Variants in PLXND1 observed in about 807,000 individuals in gnomAD.
PLXND1 encodes the protein plexin-D1.
PLXND1 carries 54 observed loss-of-function variants against 197.7 expected under a neutral mutation model. The ratio of observed to expected loss-of-function variants is 0.27; its 90% CI spans 0.22 to 0.34. The LOEUF is 0.34. Ranked by LOEUF, PLXND1 falls within the 10% of genes least tolerant of loss-of-function variation. The pLI is 1.00. For missense variants in PLXND1, 2,127 were observed against 2,699.2 expected (o/e 0.79, Z 4.70); for synonymous variants, 1,180 against 1,161.2 (o/e 1.02, Z -0.33).
intron 11 of PLXND1, among the ~76,000 whole-genome samples, chr3:129,575,136 G>A (rs1048594033): frequency 2.6e-5 from 4 of 152,166 alleles, no homozygotes; most frequent in African/African-American, 4.8e-5. Context: ...CAGCTGCCAC[G>A]CGAGGGGAGC....
Position 129,605,478 on chromosome 3 carries a change from G to A in PLXND1, c.1162C>T (p.Leu388Phe), listed in dbSNP as rs1326686000. Residue 388 changes from leucine to phenylalanine, a missense_variant, in exon 1 of 36, where the codon CTC becomes TTC. Physicochemically the swap from Leu to Phe is conservative, Grantham distance 22. Coordinates refer to ENST00000324093, the MANE Select transcript of PLXND1 (RefSeq NM_015103.3). ...SPAARAAPAA[L>F]CAFRFADVRA... ...ACGTCGGCGAAGCGGAAGGCGCAGA[G>A]TGCGGCCGGAGCAGCGCGGGCCGCG... The A allele has an allele frequency of 2.7e-6, 4 of 1,499,634 alleles. No homozygotes were observed. In the African/African-American group the frequency reaches 5.8e-5, roughly 22 times the overall value. The allele number at this position is 1,499,634 out of a possible 1,614,324, so 92.9% of individuals were successfully genotyped here.
chr3:129,604,144 C>T (rs2085749939), intron 1 of PLXND1, among the ~76,000 whole-genome samples: 1 of 152,174 alleles, frequency 6.6e-6, no homozygotes, highest in Non-Finnish European at 1.5e-5. Context: ...TGCTACTGCC[C>T]AACCCAGCCT....
chr3:129,578,973 C>T (rs1006254615), intron 8 of PLXND1, among the ~76,000 whole-genome samples: 52 of 152,216 alleles, frequency 3.4e-4, no homozygotes, highest in Non-Finnish European at 1.3e-4. Context: ...CAGATACCAC[C>T]GGTCTCCAGG....
chr3:129,604,083 G>A (rs944929818), intron 1 of PLXND1, among the ~76,000 whole-genome samples: 3 of 152,182 alleles, frequency 2.0e-5, no homozygotes, highest in African/African-American at 4.8e-5. Context: ...GTCCCCTCCC[G>A]CACCCTTGTC....
intron 13 of PLXND1, 115 bp downstream of exon 13, chr3:129,573,479 C>T: frequency 9.1e-7 from 1 of 1,095,380 alleles, no homozygotes; most frequent in Non-Finnish European, 1.3e-6. Flanking sequence ...CACGAAGCAA[C>T]AGTCTTCCAG....
Position 129,589,541 on chromosome 3 carries a change from G to C in PLXND1, c.1312-14C>G. The C allele has an allele frequency of 6.4e-7, 1 of 1,554,362 alleles. No homozygotes were observed. The highest frequency in any genetic ancestry group is 1.2e-5 in the South Asian group (1 of 84,692). ...CTCTGGCTGGAGCTGGAAGAGGAAC[G>C]GCACGTCAGATCCCAGCTCCAGAAC... On this transcript the variant is annotated splice_polypyrimidine_tract_variant and intron_variant, in intron 1 of 35. Coordinates refer to ENST00000324093, the MANE Select transcript of PLXND1 (RefSeq NM_015103.3).
At chr3:129,591,484 G>C (rs1314004874) in intron 1 of PLXND1, 1 of 152,240 alleles carries the variant, frequency 6.6e-6, no homozygotes, top group Non-Finnish European at 1.5e-5. Context: ...GCATCAATAT[G>C]GTGACCTCCC....
At position 129,584,537 on chromosome 3, in the gene PLXND1, C is replaced by T; in HGVS notation, c.1877G>A (p.Ser626Asn). Residue 626 changes from serine to asparagine, a missense_variant, in exon 6 of 36, where the codon AGC (serine) becomes AAC (asparagine). By Grantham distance (46) the Ser-to-Asn change is conservative. Transcript: ENST00000324093. Reference sequence around the variant, plus strand: ...CTCCATGCCACTGAGGCTGGGCAGGCTGCCCGAGATCTGCAGGATCATGCC... The same window carrying T: ...CTCCATGCCACTGAGGCTGGGCAGGTTGCCCGAGATCTGCAGGATCATGCC... ...YPGMILQISGSLPSLSGMEMA... is the reference protein window; with the variant it reads ...YPGMILQISGNLPSLSGMEMA... The T allele has an allele frequency of 6.2e-7, 1 of 1,611,010 alleles. No homozygotes were observed. The highest frequency in any genetic ancestry group is 8.5e-7 in the Non-Finnish European group (1 of 1,178,332).
chr3:129,555,844 T>C lies in PLXND1; in HGVS notation c.*468A>G. ...GGGGGAAGTGGAGATAACATTTTGG[T>C]AGTTGAAGCAGAAACCAATCAAAGG... On this transcript the variant is annotated 3_prime_UTR_variant, in exon 36 of 36. Transcript: ENST00000324093. The C allele has an allele frequency of 3.1e-6, 1 of 321,902 alleles. No homozygotes were observed. Among genetic ancestry groups the C allele is most frequent in the Non-Finnish European group, 5.7e-6 (1 of 176,764 alleles). 19.9% of individuals were successfully genotyped at this position (321,902 alleles called of 1,614,324 possible). A position where few individuals can be genotyped will look rare whatever the true frequency, so the allele number is the denominator to read the frequency against.
intron 1 of PLXND1, among the ~76,000 whole-genome samples, chr3:129,596,528 G>A (rs748356703): frequency 1.4e-4 from 22 of 152,212 alleles, no homozygotes; most frequent in Non-Finnish European, 2.9e-4. Flanking sequence ...CTCTTCCCTG[G>A]CCCAGGGAAA....
chr3:129,572,270 G>T (rs1396795206), intron 15 of PLXND1, among the ~76,000 whole-genome samples: 1 of 152,116 alleles, frequency 6.6e-6, no homozygotes, highest in African/African-American at 2.4e-5. Context: ...AAAGACAAAG[G>T]TGTTTCGCCA....
rs773316907 is a variant in PLXND1 at position 129,572,625 on chromosome 3, G to A, written c.3061C>T (p.Pro1021Ser). ...GAGGCTTACATCAGCTCCGTGCAGGGGTCTGTGTCGTTCACCAGGACCTGG... is the reference window on the plus strand; with the variant it reads ...GAGGCTTACATCAGCTCCGTGCAGGAGTCTGTGTCGTTCACCAGGACCTGG... Reference protein sequence around the residue: ...ELQVLVNDTDPCTELMRTDTS... With the variant: ...ELQVLVNDTDSCTELMRTDTS... The change falls in exon 15 of 36, where the codon CCC becomes TCC. Residue 1021 changes from proline to serine, a missense_variant. Pro to Ser is a moderately conservative substitution (Grantham distance 74, BLOSUM62 -1). This residue lies in a region of PLXND1 where 1,095 missense variants were observed against 1,259.8 expected (regional missense o/e 0.87). Transcript: ENST00000324093. The A allele has an allele frequency of 1.3e-6, 2 of 1,579,844 alleles. No individual in the cohort carries two copies. The highest frequency in any genetic ancestry group is 3.5e-5 in the Admixed American group (2 of 56,384).
chr3:129,584,429 T>C lies in PLXND1; in HGVS notation c.1985A>G (p.Asn662Ser). The C allele has an allele frequency of 1.2e-6, 2 of 1,613,152 alleles. No homozygotes were observed. Among genetic ancestry groups the C allele is most frequent in the Non-Finnish European group, 1.7e-6 (2 of 1,179,812 alleles). ...PAFGHQIAYC[N>S]LLPRDQFPPF... ...CGGAAACTGGTCCCTCGGCAGGAGG[T>C]TGCAGTAGGCAATCTGGTGACCAAA... is the stretch of plus-strand genomic sequence containing the variant. The change falls in exon 6 of 36, where the codon AAC becomes AGC. Residue 662 changes from asparagine (N) to serine (S), a missense_variant. Physicochemically the swap from Asn to Ser is conservative, Grantham distance 46. This residue lies in a region of PLXND1 where 1,095 missense variants were observed against 1,259.8 expected (regional missense o/e 0.87). Transcript: ENST00000324093.
At chr3:129,586,514 C>A in intron 3 of PLXND1, 74 bp downstream of exon 3, 1 of 1,510,028 alleles carries the variant, frequency 6.6e-7, no homozygotes, top group Non-Finnish European at 9.0e-7. Context: ...AGAGGAACAG[C>A]GTGTGTAAAG....
At chr3:129,573,479 C>G (rs2085266649) in intron 13 of PLXND1, 115 bp downstream of exon 13, 1 of 1,095,382 alleles carries the variant, frequency 9.1e-7, no homozygotes, top group African/African-American at 1.6e-5. Context: ...CACGAAGCAA[C>G]AGTCTTCCAG....
intron 31 of PLXND1, 49 bp from the exon 32 acceptor site, chr3:129,559,832 G>A (rs1205706375): frequency 4.1e-6 from 6 of 1,480,326 alleles, no homozygotes; most frequent in Non-Finnish European, 5.4e-6. Flanking sequence ...ACGTGCAGAG[G>A]GCTAGTGGGC....
chr3:129,573,661 C>A lies in PLXND1; in HGVS notation c.2770G>T (p.Ala924Ser). The change falls in exon 13 of 36, where the codon GCC (alanine) becomes TCC (serine). Residue 924 changes from alanine (A) to serine (S), a missense_variant. Transcript: ENST00000324093. ...ACACCACCAATCCACACGCCGTGGG[C>A]CACGTCACTGAGCCGCCGGCCCAGG... ...RNLGRRLSDVAHGVWIGGVAC... is the reference protein window; with the variant it reads ...RNLGRRLSDVSHGVWIGGVAC... 1 of 1,613,644 alleles carries A rather than the reference C, an allele frequency of 6.2e-7. No homozygotes were observed. Among genetic ancestry groups the A allele is most frequent in the East Asian group, 2.2e-5 (1 of 44,860 alleles).
At chr3:129,565,621 G>T in intron 24 of PLXND1, 83 bp from the exon 25 acceptor site, 1 of 1,242,250 alleles carries the variant, frequency 8.0e-7, no homozygotes, top group Non-Finnish European at 1.1e-6. Context: ...CCTCATCCCC[G>T]GGCCCATCGA....
intron 17 of PLXND1, 101 bp from the exon 18 acceptor site, chr3:129,571,404 G>A: frequency 6.6e-7 from 1 of 1,523,320 alleles, no homozygotes; most frequent in Non-Finnish European, 9.0e-7. Context: ...AGAGGCAGAG[G>A]GAGGAAGAGG....
Sources: gnomAD v4.1 joint callset for allele counts (sites outside exome capture counted in the v4.1 genomes callset) on GRCh38, gnomAD v4.1.1 for gene constraint, gnomAD v4.1.1 regional missense constraint, MANE v1.5 for transcripts, NCBI Gene and HGNC (gene_info 2026-07-23, HGNC 2026-07-21) for gene names.